CTNND2: variants seen among roughly 807,000 people sequenced by gnomAD.
The protein encoded by CTNND2 is catenin delta-2.
In CTNND2, 22 loss-of-function variants were observed where a neutral mutation model predicts 144.4. That is an observed-to-expected ratio of 0.15 (90% CI 0.11 to 0.22). The LOEUF (loss-of-function observed/expected upper bound fraction) is 0.22, where lower values mean the gene tolerates loss of function less well. Among genes scored for constraint, CTNND2 ranks in the 10% least tolerant of loss-of-function variants. The pLI is 1.00. For missense variants in CTNND2, 1,353 were observed against 1,618.8 expected (o/e 0.84, Z 2.82); for synonymous variants, 751 against 695.6 (o/e 1.08, Z -1.25).
At chr5:11,281,084 C>A (rs982792180) in intron 9 of CTNND2, among the ~76,000 whole-genome samples, 2 of 152,198 alleles carry the variant, frequency 1.3e-5, no homozygotes, top group African/African-American at 4.8e-5. Context: ...AAATTAACGA[C>A]CATGTAGCTA....
chr5:11,211,234 A>G (rs1030948500), intron 10 of CTNND2, among the ~76,000 whole-genome samples: 1 of 152,214 alleles, frequency 6.6e-6, no homozygotes, highest in Non-Finnish European at 1.5e-5. Context: ...GGAGACCTGG[A>G]AGGCCTGTGT....
intron 16 of CTNND2, among the ~76,000 whole-genome samples, chr5:11,044,887 A>C (rs1027371760): frequency 6.6e-6 from 1 of 152,250 alleles, no homozygotes; most frequent in Non-Finnish European, 1.5e-5. Flanking sequence ...GTTTCAGGGT[A>C]GTGCCCCCTT....
At chr5:11,887,868 A>G (rs1382289208) in intron 1 of CTNND2, among the ~76,000 whole-genome samples, 1 of 152,196 alleles carries the variant, frequency 6.6e-6, no homozygotes. Context: ...TGTCTTCCAC[A>G]TGATTAGACT....
intron 9 of CTNND2, among the ~76,000 whole-genome samples, chr5:11,334,759 C>T (rs978328020): frequency 2.0e-5 from 3 of 152,184 alleles, no homozygotes; most frequent in Non-Finnish European, 4.4e-5. Flanking sequence ...TTGCAAATGT[C>T]TCAGTTAACA....
At chr5:11,272,120 CAAAT>C (rs1184251243) in intron 9 of CTNND2, among the ~76,000 whole-genome samples, 1 of 151,964 alleles carries the variant, frequency 6.6e-6, no homozygotes, top group Non-Finnish European at 1.5e-5. Context: ...CAATTCCTGA[CAAAT>C]AAACAGAGAG....
chr5:11,756,912 C>T (rs771241344), intron 1 of CTNND2, among the ~76,000 whole-genome samples: 1 of 151,448 alleles, frequency 6.6e-6, no homozygotes, highest in Non-Finnish European at 1.5e-5. Flanking sequence ...TTTAAGAATA[C>T]ATTTAAACTG....
intron 3 of CTNND2, among the ~76,000 whole-genome samples, chr5:11,547,034 C>T (rs956716690): frequency 2.0e-5 from 3 of 151,994 alleles, no homozygotes; most frequent in South Asian, 2.1e-4. Context: ...TTTCGGAGGC[C>T]GAAGTGGGTG....
chr5:11,465,709 T>C (rs990737536), intron 3 of CTNND2, among the ~76,000 whole-genome samples: 4 of 152,206 alleles, frequency 2.6e-5, no homozygotes, highest in Admixed American at 2.0e-4. Flanking sequence ...TCATGGTGAC[T>C]AAATAATCTT....
chr5:11,666,983 G>A (rs1180171508), intron 2 of CTNND2, among the ~76,000 whole-genome samples: 1 of 150,890 alleles, frequency 6.6e-6, no homozygotes, highest in Non-Finnish European at 1.5e-5. Flanking sequence ...TGTTCTCATT[G>A]TTCAATGCCC....
At chr5:11,367,360 G>A (rs1757080678) in intron 7 of CTNND2, among the ~76,000 whole-genome samples, 1 of 152,154 alleles carries the variant, frequency 6.6e-6, no homozygotes, top group African/African-American at 2.4e-5. Context: ...AACCGCCCGT[G>A]TTCAAGAAAG....
Position 11,601,029 on chromosome 5 carries a change from T to G in CTNND2, c.175-35973A>C, listed in dbSNP as rs563944053. Among the ~76,000 whole-genome samples, 14 of 152,304 alleles carry G rather than the reference T, an allele frequency of 9.2e-5. No homozygotes were observed. In the East Asian group the frequency reaches 2.7e-3, roughly 29 times the overall value. On this transcript the variant is annotated intron_variant, in intron 2 of 21. Coordinates refer to ENST00000304623, the MANE Select transcript of CTNND2 (RefSeq NM_001332.4). ...GACTTGCATAAAACAGCAAGGTTTT[T>G]TTTTTATACATGATACTCTATTTTA...
chr5:11,484,346 T>A (rs26149), intron 3 of CTNND2, among the ~76,000 whole-genome samples: 2 of 152,022 alleles, frequency 1.3e-5, no homozygotes, highest in African/African-American at 4.8e-5. Flanking sequence ...CACAGCACTA[T>A]GACAATGCCT....
At chr5:11,381,559 C>T (rs1008852658) in intron 7 of CTNND2, among the ~76,000 whole-genome samples, 1 of 152,220 alleles carries the variant, frequency 6.6e-6, no homozygotes, top group Non-Finnish European at 1.5e-5. Context: ...GCTTAGAAAA[C>T]CTTCTGCCCA....
intron 9 of CTNND2, among the ~76,000 whole-genome samples, chr5:11,263,351 G>T (rs902197990): frequency 6.6e-6 from 1 of 152,062 alleles, no homozygotes; most frequent in Non-Finnish European, 1.5e-5. Context: ...AATGATTAAA[G>T]AATACCATAA....
At chr5:11,249,067 TG>T (rs1172943628) in intron 9 of CTNND2, among the ~76,000 whole-genome samples, 1 of 152,246 alleles carries the variant, frequency 6.6e-6, no homozygotes, top group Non-Finnish European at 1.5e-5. Flanking sequence ...TACCAAACAC[TG>T]GTTCCTGCCC....
At chr5:11,093,165 A>G (rs1268332909) in intron 15 of CTNND2, among the ~76,000 whole-genome samples, 1 of 152,240 alleles carries the variant, frequency 6.6e-6, no homozygotes, top group African/African-American at 2.4e-5. Flanking sequence ...GTCACACTTT[A>G]GGAGGAAAAC....
At chr5:11,032,062 A>G (rs1484706364) in intron 16 of CTNND2, among the ~76,000 whole-genome samples, 1 of 152,188 alleles carries the variant, frequency 6.6e-6, no homozygotes, top group Admixed American at 6.5e-5. Flanking sequence ...CATATATCCT[A>G]TTAGTTCTGT....
At chr5:11,712,244 A>G (rs2126695763) in intron 2 of CTNND2, among the ~76,000 whole-genome samples, 1 of 152,326 alleles carries the variant, frequency 6.6e-6, no homozygotes. Context: ...CACAATGACT[A>G]CTTCCAAAAG....
chr5:11,485,370 TGTGTGCGC>T (rs1242755065), intron 3 of CTNND2, among the ~76,000 whole-genome samples: 110 of 126,588 alleles, frequency 8.7e-4, no homozygotes, highest in African/African-American at 2.8e-3. Flanking sequence ...TGTGTGTGTG[TGTGTGCGC>T]GCGCGCGCGT....
Sources: gnomAD v4.1 joint callset for allele counts (sites outside exome capture counted in the v4.1 genomes callset) on GRCh38, gnomAD v4.1.1 for gene constraint, MANE v1.5 for transcripts, NCBI Gene and HGNC (gene_info 2026-07-23, HGNC 2026-07-21) for gene names.